Variants in ABCC4 observed in about 807,000 individuals in gnomAD.
ABCC4 encodes the protein ATP binding cassette subfamily C member 4 (PEL blood group), also known as ATP-binding cassette sub-family C member 4.
ABCC4 carries 102 observed loss-of-function variants against 168.5 expected under a neutral mutation model. The ratio of observed to expected loss-of-function variants is 0.61; its 90% CI spans 0.52 to 0.71. The LOEUF (loss-of-function observed/expected upper bound fraction) is 0.71. Among genes scored for constraint, ABCC4 ranks in the 30% least tolerant of loss-of-function variants. The pLI is 0.00. For synonymous variants in ABCC4, 617 were observed against 590.7 expected, an observed-to-expected ratio of 1.04 and a Z score of -0.65; for missense variants, 1,402 against 1,605.8, an observed-to-expected ratio of 0.87 and a Z score of 2.17.
chr13:95,044,508 A>T, intron 27 of ABCC4, 70 bp from the exon 28 acceptor site: 1 of 1,388,492 alleles, frequency 7.2e-7, no homozygotes, highest in Non-Finnish European at 9.7e-7. Context: ...CCTCATAGAC[A>T]TTAGAACCTT....
At chr13:95,034,054 A>C (rs1394831002) in intron 30 of ABCC4, among the ~76,000 whole-genome samples, 1 of 152,232 alleles carries the variant, frequency 6.6e-6, no homozygotes, top group Non-Finnish European at 1.5e-5. Context: ...CCAGGTCAAC[A>C]GTGAGAGTAT....
At chr13:95,178,136 A>G (rs200523349) in intron 11 of ABCC4, 45 bp from the exon 12 acceptor site, 13 of 1,531,856 alleles carry the variant, frequency 8.5e-6, no homozygotes, top group Non-Finnish European at 1.2e-5. Flanking sequence ...GACTTAAAAC[A>G]TGTTCTTCCT....
At chr13:95,059,295 A>G (rs774224259) in intron 26 of ABCC4, among the ~76,000 whole-genome samples, 37 of 152,346 alleles carry the variant, frequency 2.4e-4, no homozygotes, top group Middle Eastern at 3.4e-3. Flanking sequence ...AATGAGGATG[A>G]CACAGAATTG....
chr13:95,124,893 T>A (rs904188369), intron 19 of ABCC4, among the ~76,000 whole-genome samples: 1 of 149,390 alleles, frequency 6.7e-6, no homozygotes, highest in Non-Finnish European at 1.5e-5. Context: ...AAAAATAAAA[T>A]AAAATAAAAA....
At chr13:95,297,771 G>A (rs1301585973) in intron 1 of ABCC4, among the ~76,000 whole-genome samples, 1 of 152,156 alleles carries the variant, frequency 6.6e-6, no homozygotes, top group Non-Finnish European at 1.5e-5. Flanking sequence ...AAACTCCTGA[G>A]CTGTGGATTA....
intron 20 of ABCC4, chr13:95,096,212 G>T: frequency 1.6e-6 from 1 of 627,766 alleles, no homozygotes; most frequent in South Asian, 1.9e-5. Flanking sequence ...TATTCAATGG[G>T]CTGGCAGCAG....
intron 30 of ABCC4, among the ~76,000 whole-genome samples, chr13:95,033,274 T>C (rs1159885098): frequency 6.6e-6 from 1 of 152,072 alleles, no homozygotes; most frequent in African/African-American, 2.4e-5. Flanking sequence ...ACCTGAAAAA[T>C]ACAGAAAACA....
Position 95,234,682 on chromosome 13 carries a change from G to C in ABCC4, c.459C>G (p.His153Gln). The C allele has an allele frequency of 1.2e-6, 2 of 1,614,090 alleles. No homozygotes were observed. The highest frequency in any genetic ancestry group is 1.7e-6 in the Non-Finnish European group (2 of 1,180,016). The change falls in exon 4 of 31, where the codon CAC becomes CAG. Residue 153 changes from histidine (H) to glutamine (Q), a missense_variant. Coordinates refer to ENST00000645237, the MANE Select transcript of ABCC4 (RefSeq NM_005845.5). Reference protein sequence around the residue: ...FCTLILAILHHLYFYHVQCAG... With the variant: ...FCTLILAILHQLYFYHVQCAG... ...CACACTGAACGTGATAAAAATATAA[G>C]TGATGCAGTATAGCCAAAATGAGCG...
intron 8 of ABCC4, among the ~76,000 whole-genome samples, chr13:95,199,091 G>A (rs2038545020): frequency 6.6e-6 from 1 of 152,050 alleles, no homozygotes; most frequent in Non-Finnish European, 1.5e-5. Flanking sequence ...AAACCTTCAT[G>A]TTCTGCACAT....
intron 8 of ABCC4, among the ~76,000 whole-genome samples, chr13:95,198,900 T>C (rs545801673): frequency 3.0e-4 from 46 of 151,346 alleles, no homozygotes; most frequent in Non-Finnish European, 6.5e-4. Context: ...TAAGTGAGAG[T>C]TGAACAATGA....
rs1168433193 is a variant in ABCC4 at position 95,083,168 on chromosome 13, T to C, written c.2658A>G (p.Ser886=). The C allele has an allele frequency of 1.9e-6, 3 of 1,613,906 alleles. No individual in the cohort carries two copies. The highest frequency in any genetic ancestry group is 1.7e-6 in the Non-Finnish European group (2 of 1,179,962). Residue 886 remains serine (S), a synonymous_variant, in exon 21 of 31, where the codon TCA becomes TCG. Transcript: ENST00000645237. ...IFLRRYFLET[S]RDVKRLESTT... ...TAGATTCCAGGCGCTTCACATCTCT[T>C]GACGTTTCCAAAAAATATCGCCGAA... is the stretch of plus-strand genomic sequence containing the variant.
At chr13:95,162,977 C>G (rs1272261612) in intron 18 of ABCC4, 145 bp downstream of exon 18, 1 of 626,868 alleles carries the variant, frequency 1.6e-6, no homozygotes, top group East Asian at 3.1e-5. Flanking sequence ...AATAATTATT[C>G]TAATTAATTC....
intron 19 of ABCC4, among the ~76,000 whole-genome samples, chr13:95,159,477 G>A (rs1433657616): frequency 6.6e-6 from 1 of 151,790 alleles, no homozygotes; most frequent in East Asian, 1.9e-4. Context: ...GATTTAGACT[G>A]GGTCCCAAAT....
intron 20 of ABCC4, among the ~76,000 whole-genome samples, chr13:95,114,611 A>G (rs2035311210): frequency 6.6e-6 from 1 of 152,150 alleles, no homozygotes; most frequent in Non-Finnish European, 1.5e-5. Flanking sequence ...TGCAGTAAAA[A>G]TAATCCACCT....
chr13:95,095,768 G>A (rs1428635817), intron 20 of ABCC4: 1 of 168,104 alleles, frequency 5.9e-6, no homozygotes, highest in African/African-American at 2.4e-5. Flanking sequence ...TGACCATAAA[G>A]GAAAAGATTG....
intron 1 of ABCC4, among the ~76,000 whole-genome samples, chr13:95,281,902 T>C (rs895681849): frequency 2.0e-5 from 3 of 151,546 alleles, no homozygotes; most frequent in Non-Finnish European, 4.4e-5. Flanking sequence ...AGGTTAGGAG[T>C]TCGAGACCAG....
In ABCC4 at chr13:95,021,379, A is replaced by G; in HGVS notation, c.*196T>C. On this transcript the variant is annotated 3_prime_UTR_variant, in exon 31 of 31. Transcript: ENST00000645237. ...CTGATTTGGATTTTAAAAAACAACT[A>G]TTGACATTTAAATAAAAATAAACCA... The G allele has an allele frequency of 5.8e-6, 3 of 519,906 alleles. 1 individual carries two copies. The South Asian group carries it at 9.0e-5, about 16-fold the overall frequency. The allele number at this position is 519,906 out of a possible 1,614,324, so 32.2% of individuals were successfully genotyped here.
At chr13:95,281,103 T>A (rs1380890129) in intron 1 of ABCC4, among the ~76,000 whole-genome samples, 2 of 151,750 alleles carry the variant, frequency 1.3e-5, no homozygotes, top group Admixed American at 1.3e-4. Flanking sequence ...AAAGAGAAAG[T>A]TCAGGCCAGG....
intron 1 of ABCC4, among the ~76,000 whole-genome samples, chr13:95,297,937 G>A (rs141499564): frequency 8.9e-4 from 136 of 152,094 alleles, no homozygotes; most frequent in African/African-American, 3.0e-3. Context: ...AAAGGACTCC[G>A]CATTCCTCAG....
Sources: gnomAD v4.1 joint callset for allele counts (sites outside exome capture counted in the v4.1 genomes callset) on GRCh38, gnomAD v4.1.1 for gene constraint, MANE v1.5 for transcripts, NCBI Gene and HGNC (gene_info 2026-07-23, HGNC 2026-07-21) for gene names.